The following RAPGEF4 variants were observed in gnomAD, a reference collection of about 807,000 sequenced individuals.
RAPGEF4 encodes the protein Rap guanine nucleotide exchange factor 4, also known as RAP guanine-nucleotide-exchange factor (GEF) 4.
A neutral mutation model predicts 147.9 loss-of-function variants in RAPGEF4; 66 were observed. The observed-to-expected ratio is 0.45, with a 90% CI of 0.37 to 0.55. The LOEUF (loss-of-function observed/expected upper bound fraction) is 0.55. Ranked by LOEUF, RAPGEF4 falls within the 20% of genes least tolerant of loss-of-function variation. RAPGEF4 has a pLI of 0.00. For missense variants in RAPGEF4, 1,071 were observed against 1,257.3 expected (o/e 0.85, Z 2.24); for synonymous variants, 419 against 442.7 (o/e 0.95, Z 0.67).
intron 1 of RAPGEF4, among the ~76,000 whole-genome samples, chr2:172,771,832 T>C (rs1227789310): frequency 6.6e-6 from 1 of 152,212 alleles, no homozygotes; most frequent in African/African-American, 2.4e-5. Flanking sequence ...GTGGTTATAT[T>C]GTGAACAATA....
chr2:172,935,302 TG>T (rs1484281060), intron 6 of RAPGEF4, among the ~76,000 whole-genome samples: 1 of 152,178 alleles, frequency 6.6e-6, no homozygotes, highest in African/African-American at 2.4e-5. Flanking sequence ...CAACAACTCC[TG>T]GTTCCTCCCC....
intron 4 of RAPGEF4, among the ~76,000 whole-genome samples, chr2:172,818,293 C>T (rs1037140803): frequency 6.6e-6 from 1 of 152,012 alleles, no homozygotes; most frequent in African/African-American, 2.4e-5. Flanking sequence ...AAAACTTATT[C>T]ATGTAACCAA....
At chr2:172,938,013 G>A (rs1575308695) in intron 6 of RAPGEF4, among the ~76,000 whole-genome samples, 1 of 152,034 alleles carries the variant, frequency 6.6e-6, no homozygotes, top group South Asian at 2.1e-4. Flanking sequence ...GGCACAACTA[G>A]TTGCATATAT....
intron 5 of RAPGEF4, among the ~76,000 whole-genome samples, chr2:172,920,183 C>G (rs943221849): frequency 6.6e-5 from 10 of 152,244 alleles, no homozygotes; most frequent in Admixed American, 3.9e-4. Flanking sequence ...TTTAATACTT[C>G]AATATATTTC....
chr2:173,038,503 C>T (rs373755630), intron 29 of RAPGEF4, among the ~76,000 whole-genome samples: 2 of 152,218 alleles, frequency 1.3e-5, no homozygotes, highest in East Asian at 3.9e-4. Flanking sequence ...AACCAAACAC[C>T]ACATGTTCTC....
At chr2:172,947,721 T>A (rs754634914) in intron 6 of RAPGEF4, among the ~76,000 whole-genome samples, 1 of 152,196 alleles carries the variant, frequency 6.6e-6, no homozygotes, top group Non-Finnish European at 1.5e-5. Flanking sequence ...GTATGACTCA[T>A]CTGTATAAGA....
chr2:172,994,328 G>A (rs1173518198), intron 15 of RAPGEF4, among the ~76,000 whole-genome samples: 1 of 152,190 alleles, frequency 6.6e-6, no homozygotes, highest in Admixed American at 6.5e-5. Context: ...GCTCCAGGTA[G>A]CTAGACCTGG....
chr2:172,919,485 CCT>C (rs1463441435), intron 5 of RAPGEF4, among the ~76,000 whole-genome samples: 1 of 151,932 alleles, frequency 6.6e-6, no homozygotes, highest in East Asian at 1.9e-4. Context: ...CTGGCTTCCT[CCT>C]CTCTCTCTGG....
At chr2:172,743,718 G>A (rs1694514918) in intron 1 of RAPGEF4, among the ~76,000 whole-genome samples, 1 of 152,126 alleles carries the variant, frequency 6.6e-6, no homozygotes, top group South Asian at 2.1e-4. Flanking sequence ...AGGCTTCCAG[G>A]GAAGCTCTTG....
intron 4 of RAPGEF4, among the ~76,000 whole-genome samples, chr2:172,863,064 A>G (rs1255735982): frequency 6.6e-6 from 1 of 152,198 alleles, no homozygotes; most frequent in East Asian, 1.9e-4. Context: ...ATATATTTCA[A>G]AAGGGAACAT....
intron 3 of RAPGEF4, among the ~76,000 whole-genome samples, chr2:172,798,591 G>A (rs1686632166): frequency 6.6e-6 from 1 of 152,104 alleles, no homozygotes; most frequent in Non-Finnish European, 1.5e-5. Flanking sequence ...ATTATTTAAA[G>A]GGACAAATAA....
At chr2:173,004,206 T>A (rs539525196) in intron 17 of RAPGEF4, among the ~76,000 whole-genome samples, 1 of 152,330 alleles carries the variant, frequency 6.6e-6, no homozygotes, top group East Asian at 1.9e-4. Context: ...AGAACTCTGC[T>A]GAACATTAAT....
chr2:173,000,927 AC>A (rs1279075908), intron 16 of RAPGEF4, among the ~76,000 whole-genome samples: 1 of 152,072 alleles, frequency 6.6e-6, no homozygotes, highest in East Asian at 1.9e-4. Context: ...AGACAAAGAA[AC>A]GACCATGTCT....
intron 23 of RAPGEF4, among the ~76,000 whole-genome samples, chr2:173,021,235 C>G (rs1241191560): frequency 6.6e-6 from 1 of 152,170 alleles, no homozygotes; most frequent in Non-Finnish European, 1.5e-5. Context: ...GAAGAAAAGA[C>G]TAATAGGACC....
At chr2:172,864,596 A>G (rs1402992237) in intron 4 of RAPGEF4, among the ~76,000 whole-genome samples, 1 of 152,158 alleles carries the variant, frequency 6.6e-6, no homozygotes, top group Non-Finnish European at 1.5e-5. Context: ...TGGTTCTCCC[A>G]ATCATTCATT....
chr2:172,764,729 C>T (rs1696669409), intron 1 of RAPGEF4, among the ~76,000 whole-genome samples: 1 of 152,172 alleles, frequency 6.6e-6, no homozygotes, highest in Non-Finnish European at 1.5e-5. Flanking sequence ...TATGACGTGT[C>T]TACACAGTAT....
At chr2:172,816,227 T>C (rs1322692455) in intron 4 of RAPGEF4, among the ~76,000 whole-genome samples, 1 of 152,060 alleles carries the variant, frequency 6.6e-6, no homozygotes, top group Non-Finnish European at 1.5e-5. Flanking sequence ...ACGAGCCATG[T>C]CTTACATTTG....
At chr2:173,041,853 T>C (rs1684802071) in intron 29 of RAPGEF4, among the ~76,000 whole-genome samples, 1 of 152,210 alleles carries the variant, frequency 6.6e-6, no homozygotes, top group Non-Finnish European at 1.5e-5. Context: ...TTGTCTGCTG[T>C]CTGGTTCCTC....
rs998736107 is a variant in RAPGEF4 at position 172,965,145 on chromosome 2, A to G, written c.699-417A>G. On this transcript the variant is annotated intron_variant, in intron 8 of 30. Coordinates refer to ENST00000397081, the MANE Select transcript of RAPGEF4 (RefSeq NM_007023.4). ...TAGCACCTCTGAGTGCCTCATAAAC[A>G]TTAACTCATTCGGCACGAGACTCAG... 2.7e-5 allele frequency: 5 copies of G among 186,794 alleles called. No homozygotes were observed. In the South Asian group the frequency reaches 6.6e-4, roughly 25 times the overall value. 11.6% of individuals were successfully genotyped at this position (186,794 alleles called of 1,614,324 possible). A position where few individuals can be genotyped will look rare whatever the true frequency, so the allele number is the denominator to read the frequency against.
Sources: gnomAD v4.1 joint callset for allele counts (sites outside exome capture counted in the v4.1 genomes callset) on GRCh38, gnomAD v4.1.1 for gene constraint, MANE v1.5 for transcripts, NCBI Gene and HGNC (gene_info 2026-07-23, HGNC 2026-07-21) for gene names.